The following CCSER2 variants were observed in gnomAD, a reference collection of about 807,000 sequenced individuals.
CCSER2 encodes the protein coiled-coil serine rich protein 2.
Under a neutral mutation model 92.3 loss-of-function variants are expected in CCSER2, and 46 were observed. That is an observed-to-expected ratio of 0.50 (90% CI 0.39 to 0.64). The LOEUF is 0.64. CCSER2 is among the 30% of genes least tolerant of loss of function. The pLI, the probability that CCSER2 is intolerant of heterozygous loss-of-function variation, is 0.00. For missense variants in CCSER2, 1,244 were observed against 1,238.9 expected, an observed-to-expected ratio of 1.00 and a Z score of -0.06; for synonymous variants, 433 against 431.4, an observed-to-expected ratio of 1.00 and a Z score of -0.04.
At chr10:84,483,926 A>T (rs1847611628) in intron 9 of CCSER2, among the ~76,000 whole-genome samples, 1 of 137,842 alleles carries the variant, frequency 7.3e-6, no homozygotes, top group African/African-American at 2.7e-5. Context: ...CTGATACCAC[A>T]GGTGCATCCC....
intron 3 of CCSER2, among the ~76,000 whole-genome samples, chr10:84,413,236 A>G (rs1017448824): frequency 6.7e-6 from 1 of 150,162 alleles, no homozygotes; most frequent in Admixed American, 6.7e-5. Context: ...TTTAGTTGTG[A>G]TGTTAGGTTG....
Position 84,373,717 on chromosome 10 carries a change from A to G in CCSER2, c.1516A>G (p.Ser506Gly). 6.2e-7 allele frequency: 1 copy of G among 1,613,230 alleles called. No homozygotes were observed. Among genetic ancestry groups the G allele is most frequent in the Non-Finnish European group, 8.5e-7 (1 of 1,179,270 alleles). The change falls in exon 3 of 10, where the codon AGC (serine) becomes GGC (glycine). Residue 506 changes from serine to glycine, a missense_variant. Coordinates refer to ENST00000372088, the MANE Select transcript of CCSER2 (RefSeq NM_001284240.2). ...GSSFELSPSD[S>G]SDGTYMWDEE... ...TTCGTTTGAACTCTCTCCATCTGAT[A>G]GCTCTGATGGAACATACATGTGGGA... is the stretch of plus-strand genomic sequence containing the variant.
intron 8 of CCSER2, among the ~76,000 whole-genome samples, chr10:84,474,735 A>C (rs546443030): frequency 6.6e-6 from 1 of 152,130 alleles, no homozygotes; most frequent in African/African-American, 2.4e-5. Flanking sequence ...TGATAGAACT[A>C]CATAGTAAAC....
intron 7 of CCSER2, among the ~76,000 whole-genome samples, chr10:84,467,391 G>A (rs1846508335): frequency 6.6e-6 from 1 of 152,008 alleles, no homozygotes; most frequent in Non-Finnish European, 1.5e-5. Context: ...TTGCCCACTG[G>A]ACACACTTCT....
At chr10:84,375,496 A>G (rs1019259539) in intron 3 of CCSER2, among the ~76,000 whole-genome samples, 7 of 147,478 alleles carry the variant, frequency 4.7e-5, no homozygotes, top group African/African-American at 1.7e-4. Flanking sequence ...TTTGTTTTGT[A>G]TAAATTTTAG....
intron 6 of CCSER2, among the ~76,000 whole-genome samples, chr10:84,462,467 T>C (rs1462321980): frequency 1.3e-5 from 2 of 152,186 alleles, no homozygotes; most frequent in Non-Finnish European, 2.9e-5. Context: ...TACTTGTAGG[T>C]AGGACTGGCG....
At chr10:84,475,432 A>AT (rs1265576156) in intron 8 of CCSER2, among the ~76,000 whole-genome samples, 2 of 152,180 alleles carry the variant, frequency 1.3e-5, no homozygotes, top group African/African-American at 2.4e-5. Flanking sequence ...GCCAAATATT[A>AT]TTTTTCATGT....
In CCSER2 at chr10:84,484,613, A is replaced by G. The variant is rs1181542131; in HGVS notation, c.2325+6949A>G. ...TAAAAGTATTTTTAGAGAAAATCACATATACATTGGTGTTTAAATAAGTGA... is the reference window on the plus strand; with the variant it reads ...TAAAAGTATTTTTAGAGAAAATCACGTATACATTGGTGTTTAAATAAGTGA... On this transcript the variant is annotated intron_variant, in intron 9 of 9. Coordinates refer to ENST00000372088, the MANE Select transcript of CCSER2 (RefSeq NM_001284240.2). 3.3e-5 allele frequency among the ~76,000 whole-genome samples: 5 copies of G among 152,338 alleles called. No individual in the cohort carries two copies. In the East Asian group the frequency reaches 9.6e-4, roughly 29 times the overall value.
intron 6 of CCSER2, among the ~76,000 whole-genome samples, chr10:84,440,739 A>G (rs1844480544): frequency 6.6e-6 from 1 of 152,242 alleles, no homozygotes; most frequent in South Asian, 2.1e-4. Flanking sequence ...ACACTGTTTT[A>G]GTTACTTCAT....
intron 9 of CCSER2, among the ~76,000 whole-genome samples, chr10:84,497,981 C>CA (rs1848538187): frequency 6.6e-6 from 1 of 152,070 alleles, no homozygotes; most frequent in Admixed American, 6.5e-5. Flanking sequence ...AACTGAGGCT[C>CA]AAAAATCAGT....
chr10:84,476,194 A>G (rs535089633), intron 8 of CCSER2, among the ~76,000 whole-genome samples: 3 of 152,176 alleles, frequency 2.0e-5, no homozygotes, highest in African/African-American at 2.4e-5. Flanking sequence ...ATATGTCTCT[A>G]TGATAGACAT....
chr10:84,461,762 C>CTA (rs1219426550), intron 6 of CCSER2, among the ~76,000 whole-genome samples: 1 of 151,148 alleles, frequency 6.6e-6, no homozygotes, highest in Non-Finnish European at 1.5e-5. Context: ...TCTTCCAGTT[C>CTA]TACCTTCTGT....
At chr10:84,397,300 A>T (rs1841897495) in intron 3 of CCSER2, among the ~76,000 whole-genome samples, 1 of 152,232 alleles carries the variant, frequency 6.6e-6, no homozygotes, top group Admixed American at 6.5e-5. Flanking sequence ...TTAAGATATG[A>T]AATTCTGCAG....
At chr10:84,364,052 G>A (rs1294092406) in intron 1 of CCSER2, among the ~76,000 whole-genome samples, 2 of 151,716 alleles carry the variant, frequency 1.3e-5, no homozygotes, top group South Asian at 2.1e-4. Context: ...TGTAAACATA[G>A]AAAAGTTACA....
chr10:84,461,235 CT>C (rs1290983577), intron 6 of CCSER2, among the ~76,000 whole-genome samples: 3 of 152,038 alleles, frequency 2.0e-5, no homozygotes, highest in Non-Finnish European at 4.4e-5. Flanking sequence ...GATTATCTTT[CT>C]GTTATTAGTT....
intron 9 of CCSER2, among the ~76,000 whole-genome samples, chr10:84,490,560 G>A (rs1413400861): frequency 3.9e-5 from 6 of 152,146 alleles, no homozygotes; most frequent in Non-Finnish European, 5.9e-5. Context: ...CATTCGTCAC[G>A]TAGTTCTCGT....
At chr10:84,457,586 T>C (rs1250491829) in intron 6 of CCSER2, among the ~76,000 whole-genome samples, 1 of 12,040 alleles carries the variant, frequency 8.3e-5, no homozygotes. Context: ...ATATATTATA[T>C]ATAATTATAT....
At chr10:84,466,508 G>GT (rs573093442) in intron 7 of CCSER2, among the ~76,000 whole-genome samples, 13,059 of 138,704 alleles carry the variant, frequency 0.094, 673 homozygotes, top group Middle Eastern at 0.13. Flanking sequence ...TGTTTTTTTG[G>GT]TTTTTTTTTT....
At chr10:84,377,724 A>T (rs1451083315) in intron 3 of CCSER2, among the ~76,000 whole-genome samples, 3 of 152,150 alleles carry the variant, frequency 2.0e-5, no homozygotes, top group African/African-American at 7.2e-5. Flanking sequence ...TTTTGGAGAG[A>T]ATTGACATAT....
Sources: allele counts gnomAD v4.1 joint callset (sites outside exome capture counted in the v4.1 genomes callset), GRCh38; gene constraint gnomAD v4.1.1; transcripts MANE v1.5; gene names NCBI Gene and HGNC (gene_info 2026-07-23, HGNC 2026-07-21).